Variants in BRI3BP observed in about 807,000 individuals in gnomAD.
BRI3BP encodes the protein BRI3-binding protein.
Under a neutral mutation model 15.8 loss-of-function variants are expected in BRI3BP, and 7 were observed. That is an observed-to-expected ratio of 0.44 (90% CI 0.25 to 0.83). The LOEUF (loss-of-function observed/expected upper bound fraction) is 0.83. Among genes scored for constraint, BRI3BP ranks in the 40% least tolerant of loss-of-function variants. The pLI is 0.20. For missense variants in BRI3BP, 320 were observed against 339.3 expected (o/e 0.94, Z 0.45); for synonymous variants, 192 against 163.5 (o/e 1.17, Z -1.33).
At chr12:125,047,502 C>T in the BRI3BP span, among the ~76,000 whole-genome samples, 1 of 149,980 alleles carries the variant, frequency 6.7e-6, no homozygotes, top group Non-Finnish European at 1.5e-5. Flanking sequence ...AAGACAGGGT[C>T]TTGCTGTCAC....
In BRI3BP at chr12:125,025,496, A is replaced by G; in HGVS notation, c.*66A>G. On this transcript the variant is annotated 3_prime_UTR_variant, in exon 3 of 3. Coordinates refer to ENST00000341446, the MANE Select transcript of BRI3BP (RefSeq NM_080626.6). ...GTCTCAGAAAACGAAAACGGAGGAAAAAAACCCCAAACCCCAAACAATCTT... is the reference window on the plus strand; with the variant it reads ...GTCTCAGAAAACGAAAACGGAGGAAGAAAACCCCAAACCCCAAACAATCTT... 7.2e-7 allele frequency: 1 copy of G among 1,389,358 alleles called. No individual in the cohort carries two copies. Among genetic ancestry groups the G allele is most frequent in the Non-Finnish European group, 9.6e-7 (1 of 1,044,760 alleles). The allele number at this position is 1,389,358 out of a possible 1,614,324, so 86.1% of individuals were successfully genotyped here.
intron 1 of BRI3BP, among the ~76,000 whole-genome samples, chr12:125,008,770 G>T (rs1189433900): frequency 6.6e-6 from 1 of 152,060 alleles, no homozygotes; most frequent in Non-Finnish European, 1.5e-5. Context: ...TCATTACATT[G>T]TAATATAGAA....
rs1246335448 is a variant in BRI3BP, at chr12:125,002,535, C to T, written c.213+8532C>T. On this transcript the variant is annotated intron_variant, in intron 1 of 2. Transcript: ENST00000341446. ...GCAGTGGCACAATCTCTGCTCACTGCAACCTCCGCCTCCGGGGTTCACGCC... is the reference window on the plus strand; with the variant it reads ...GCAGTGGCACAATCTCTGCTCACTGTAACCTCCGCCTCCGGGGTTCACGCC... 2.0e-5 allele frequency among the ~76,000 whole-genome samples: 3 copies of T among 151,236 alleles called. No individual in the cohort carries two copies. In the Admixed American group the frequency reaches 2.0e-4, roughly 10 times the overall value.
At position 125,029,905 on chromosome 12, in the gene BRI3BP, A is replaced by G. The variant is rs182192711; in HGVS notation, c.*4475A>G. 1 of 152,380 alleles carries G rather than the reference A, an allele frequency of 6.6e-6. No individual in the cohort carries two copies. Among genetic ancestry groups the G allele is most frequent in the Admixed American group, 6.5e-5 (1 of 15,298 alleles). The allele number at this position is 152,380 out of a possible 1,614,324, so 9.4% of individuals were successfully genotyped here. A position where few individuals can be genotyped will look rare whatever the true frequency, so the allele number is the denominator to read the frequency against. ...GTCCCCTCTGGGGAGCTGAGTAAGA[A>G]CGCAAAGGTTTGGGTCAGTGATTAG... is the stretch of plus-strand genomic sequence containing the variant. On this transcript the variant is annotated 3_prime_UTR_variant, in exon 3 of 3. Transcript: ENST00000341446.
chr12:125,008,280 A>G lies in BRI3BP; in HGVS notation c.214-4254A>G, dbSNP rs1955164383. 1.4e-5 allele frequency among the ~76,000 whole-genome samples: 2 copies of G among 145,050 alleles called. 1 individual carries two copies. Among genetic ancestry groups the G allele is most frequent in the South Asian group, 4.4e-4 (2 of 4,566 alleles). On this transcript the variant is annotated intron_variant, in intron 1 of 2. Transcript: ENST00000341446. ...GCCTACCCCCACCCAAGGGAGGGGC[A>G]GTCACCCTCCTCTTCTTTCTTTTTT...
At chr12:125,032,035 C>T (rs997607788), downstream of BRI3BP, among the ~76,000 whole-genome samples, 1 of 152,106 alleles carries the variant, frequency 6.6e-6, no homozygotes, top group Non-Finnish European at 1.5e-5. Context: ...ACTGGGAAAG[C>T]AGGCAGGTGA....
chr12:125,047,415 C>A, the BRI3BP span, among the ~76,000 whole-genome samples: 1 of 152,098 alleles, frequency 6.6e-6, no homozygotes, highest in African/African-American at 2.4e-5. Flanking sequence ...CTTTGTGATC[C>A]ACCCGCCTCC....
At chr12:125,039,068 C>T in the BRI3BP span, among the ~76,000 whole-genome samples, 3 of 152,086 alleles carry the variant, frequency 2.0e-5, no homozygotes, top group Non-Finnish European at 4.4e-5. Context: ...CCAGCCTGGG[C>T]GACAGAGCAC....
chr12:125,024,317 A>C (rs1594538543), intron 2 of BRI3BP, among the ~76,000 whole-genome samples: 1 of 140,182 alleles, frequency 7.1e-6, no homozygotes, highest in African/African-American at 2.6e-5. Context: ...TGATCCAATC[A>C]CCCCCCACGA....
intron 1 of BRI3BP, among the ~76,000 whole-genome samples, chr12:124,998,341 A>C (rs147465707): frequency 4.5e-4 from 69 of 152,300 alleles, no homozygotes; most frequent in African/African-American, 1.6e-3. Flanking sequence ...CACTTTTTAC[A>C]ATAGCTAAAA....
chr12:125,007,763 C>T (rs934907834), intron 1 of BRI3BP, among the ~76,000 whole-genome samples: 2 of 151,554 alleles, frequency 1.3e-5, no homozygotes, highest in African/African-American at 2.4e-5. Context: ...TATTTATTTA[C>T]TCATTATTAT....
At chr12:125,009,619 T>TG (rs60019848) in intron 1 of BRI3BP, among the ~76,000 whole-genome samples, 5 of 148,024 alleles carry the variant, frequency 3.4e-5, no homozygotes, top group African/African-American at 1.2e-4. Context: ...AAATTAGAGA[T>TG]GGGGGGGGGG....
chr12:125,019,441 A>G (rs1209725735), intron 2 of BRI3BP, among the ~76,000 whole-genome samples: 2 of 151,768 alleles, frequency 1.3e-5, no homozygotes, highest in Non-Finnish European at 2.9e-5. Flanking sequence ...GCTCAGAGGA[A>G]CCCCAGGAGG....
intron 1 of BRI3BP, among the ~76,000 whole-genome samples, chr12:125,003,845 C>T (rs1277980382): frequency 6.6e-6 from 1 of 152,000 alleles, no homozygotes; most frequent in Non-Finnish European, 1.5e-5. Context: ...CCCAGCTACT[C>T]AGGAGGCTGA....
At chr12:125,024,345 G>A (rs899149221) in intron 2 of BRI3BP, among the ~76,000 whole-genome samples, 2 of 147,014 alleles carry the variant, frequency 1.4e-5, no homozygotes, top group East Asian at 2.0e-4. Flanking sequence ...TCCTCCACAC[G>A]TGAGGATTAT....
intron 2 of BRI3BP, among the ~76,000 whole-genome samples, chr12:125,022,733 G>T (rs1462529212): frequency 6.6e-6 from 1 of 151,910 alleles, no homozygotes; most frequent in Non-Finnish European, 1.5e-5. Flanking sequence ...CACCATGTTG[G>T]CCAGGCTGGT....
At chr12:125,022,505 G>A (rs59331131) in intron 2 of BRI3BP, among the ~76,000 whole-genome samples, 71,242 of 150,354 alleles carry the variant, frequency 0.47, 18,690 homozygotes, top group African/African-American at 0.69. Context: ...ATGTTATATG[G>A]AATTGTTAAT....
chr12:125,043,717 C>T, the BRI3BP span, among the ~76,000 whole-genome samples: 2 of 151,976 alleles, frequency 1.3e-5, no homozygotes, highest in African/African-American at 2.4e-5. Flanking sequence ...ATTAGCCAGT[C>T]GTGGTTGTGC....
intron 1 of BRI3BP, among the ~76,000 whole-genome samples, chr12:125,007,123 C>T (rs1955151149): frequency 6.6e-6 from 1 of 151,864 alleles, no homozygotes; most frequent in South Asian, 2.1e-4. Flanking sequence ...TGCTTGAATC[C>T]ACAAGGCAGA....
Sources: gnomAD v4.1 joint callset for allele counts (sites outside exome capture counted in the v4.1 genomes callset) on GRCh38, gnomAD v4.1.1 for gene constraint, MANE v1.5 for transcripts, NCBI Gene and HGNC (gene_info 2026-07-23, HGNC 2026-07-21) for gene names.